The following CYB5R2 variants were observed in gnomAD, a reference collection of about 807,000 sequenced individuals.
CYB5R2 encodes NADH-cytochrome b5 reductase 2.
CYB5R2 carries 35 observed loss-of-function variants against 29.8 expected under a neutral mutation model. The ratio of observed to expected loss-of-function variants is 1.17; its 90% CI spans 0.90 to 1.56. CYB5R2 has a LOEUF of 1.56. Among genes scored for constraint, CYB5R2 ranks in the 40% most tolerant of loss-of-function variants. The probability of loss-of-function intolerance (pLI) is 0.00; values close to 1 mark genes in which losing one functional copy is unlikely to be tolerated. For synonymous variants in CYB5R2, 169 were observed against 130.6 expected, an observed-to-expected ratio of 1.29 and a Z score of -2.01; for missense variants, 419 against 346.7, an observed-to-expected ratio of 1.21 and a Z score of -1.66.
intron 3 of CYB5R2, 23 bp downstream of exon 3, chr11:7,672,428 G>T: frequency 1.2e-6 from 2 of 1,610,822 alleles, no homozygotes; most frequent in Non-Finnish European, 1.7e-6. Context: ...CCCAGTCCTG[G>T]TGATGACCCA....
At chr11:7,668,088 T>C (rs1168862010) in intron 6 of CYB5R2, among the ~76,000 whole-genome samples, 1 of 151,280 alleles carries the variant, frequency 6.6e-6, no homozygotes, top group Non-Finnish European at 1.5e-5. Context: ...GTAAATGTGA[T>C]CGTTTTAAGA....
In CYB5R2 at chr11:7,666,571, A is replaced by T. The variant is rs746625742; in HGVS notation, c.559-21T>A. On this transcript the variant is annotated intron_variant, in intron 7 of 8. Transcript: ENST00000299498. ...TCTGTCTAGAAAAGAAGCAACACTG[A>T]AAAAGCCCCTCCAGGGCCATCCTCT... 8 of 1,575,944 alleles carry T rather than the reference A, an allele frequency of 5.1e-6. No homozygotes were observed. The Admixed American group carries it at 1.3e-4, about 26-fold the overall frequency.
rs905272059 is a variant in CYB5R2 at position 7,669,194 on chromosome 11, C to T, written c.388+11G>A. The T allele has an allele frequency of 3.1e-6, 5 of 1,613,996 alleles. No homozygotes were observed. The highest frequency in any genetic ancestry group is 1.7e-5 in the Admixed American group (1 of 59,992). ...CCCAGCTGGGAGCCCAAGTATTAAC[C>T]CCTCCAGTACCTGGCCCATGGTAAA... On this transcript the variant is annotated intron_variant, in intron 5 of 8. Transcript: ENST00000299498.
intron 7 of CYB5R2, chr11:7,667,392 A>C (rs1363940806): frequency 6.0e-6 from 1 of 165,770 alleles, no homozygotes; most frequent in Non-Finnish European, 1.3e-5. Flanking sequence ...AAAGATTTAA[A>C]AAGTAAGTAA....
intron 1 of CYB5R2, 92 bp from the exon 2 acceptor site, chr11:7,672,983 G>T: frequency 1.6e-6 from 2 of 1,249,076 alleles, no homozygotes; most frequent in Non-Finnish European, 1.1e-6. Context: ...CACACCAAAG[G>T]CACAGGAGCT....
chr11:7,672,929 G>A, intron 1 of CYB5R2, 38 bp from the exon 2 acceptor site: 4 of 1,580,578 alleles, frequency 2.5e-6, no homozygotes, highest in Non-Finnish European at 3.4e-6. Flanking sequence ...CTCAGGTCTT[G>A]CCCGCCCTGG....
rs780625657 is a variant in CYB5R2, at chr11:7,665,372, T to C, written c.*2A>G. On this transcript the variant is annotated 3_prime_UTR_variant, in exon 9 of 9. Coordinates refer to ENST00000299498, the MANE Select transcript of CYB5R2 (RefSeq NM_016229.5). ...TGCAAAATTGCTGAGCACGTGGAGG[T>C]GTTAGTAGGTGAAAATCATGTCCTG... 1 of 1,447,284 alleles carries C rather than the reference T, an allele frequency of 6.9e-7. No homozygotes were observed. The allele number at this position is 1,447,284 out of a possible 1,614,324, so 89.7% of individuals were successfully genotyped here.
intron 5 of CYB5R2, chr11:7,668,918 C>T: frequency 1.7e-6 from 1 of 595,612 alleles, no homozygotes; most frequent in South Asian, 1.9e-5. Flanking sequence ...TCCCTCCATC[C>T]ATTTTTCAGT....
At chr11:7,668,671 G>T in intron 5 of CYB5R2, 110 bp from the exon 6 acceptor site, 1 of 891,174 alleles carries the variant, frequency 1.1e-6, no homozygotes, top group Non-Finnish European at 1.9e-6. Flanking sequence ...CTAAGGGACT[G>T]TCTGCACCAT....
chr11:7,674,047 C>T (rs531479418), upstream of CYB5R2: 2 of 1,183,606 alleles, frequency 1.7e-6, no homozygotes, highest in South Asian at 1.6e-5. Context: ...CCTGCGCTGC[C>T]CCTCTGCATC....
intron 7 of CYB5R2, chr11:7,667,389 TA>T (rs2136112608): frequency 6.1e-6 from 1 of 163,138 alleles, no homozygotes; most frequent in East Asian, 1.7e-4. Context: ...AAAAAAGATT[TA>T]AAAAGTAAGT....
intron 7 of CYB5R2, 155 bp from the exon 8 acceptor site, chr11:7,666,705 G>A: frequency 3.6e-6 from 2 of 555,928 alleles, no homozygotes; most frequent in Non-Finnish European, 6.4e-6. Context: ...TTCTGCTGCT[G>A]CTCCTGAAGC....
Position 7,665,497 on chromosome 11 carries a change from G to A in CYB5R2, c.708C>T (p.His236=), listed in dbSNP as rs781301400. Residue 236 remains histidine (H), a synonymous_variant, in exon 9 of 9, where the codon CAC becomes CAT. Coordinates refer to ENST00000299498, the MANE Select transcript of CYB5R2 (RefSeq NM_016229.5). ...GCGTGGACTTCGCTGGAGGAGGAAG[G>A]TGCTCCTTGATCATGTCGGCAGTAA... ...GFVTADMIKE[H]LPPPAKSTLI... is the part of the protein sequence containing the mutation. 3.1e-6 allele frequency: 5 copies of A among 1,613,718 alleles called. No individual in the cohort carries two copies. The highest frequency in any genetic ancestry group is 2.7e-5 in the African/African-American group (2 of 74,906).
intron 6 of CYB5R2, 34 bp from the exon 7 acceptor site, chr11:7,667,847 C>A (rs1374605270): frequency 1.3e-6 from 2 of 1,578,474 alleles, no homozygotes; most frequent in Non-Finnish European, 1.7e-6. Context: ...CAGCTTTCTC[C>A]CTGTCTCTGA....
At chr11:7,667,933 C>CA in intron 6 of CYB5R2, 120 bp from the exon 7 acceptor site, 1 of 802,412 alleles carries the variant, frequency 1.2e-6, no homozygotes. Context: ...CTTCTGTCCC[C>CA]AAAACTCAAA....
At chr11:7,665,889 G>A (rs1855131250) in intron 8 of CYB5R2, 4 of 1,536,040 alleles carry the variant, frequency 2.6e-6, no homozygotes, top group Non-Finnish European at 3.5e-6. Context: ...TGGTGTTAGT[G>A]GAACTGCGCA....
At position 7,666,570 on chromosome 11, in the gene CYB5R2, G is replaced by A. The variant is rs774900506; in HGVS notation, c.559-20C>T. On this transcript the variant is annotated intron_variant, in intron 7 of 8. Transcript: ENST00000299498. ...CTCTGTCTAGAAAAGAAGCAACACT[G>A]AAAAAGCCCCTCCAGGGCCATCCTC... 1 of 1,582,486 alleles carries A rather than the reference G, an allele frequency of 6.3e-7. No individual in the cohort carries two copies. The highest frequency in any genetic ancestry group is 8.7e-7 in the Non-Finnish European group (1 of 1,151,892).
Position 7,665,490 on chromosome 11 carries a change from G to A in CYB5R2, c.715C>T (p.Pro239Ser), listed in dbSNP as rs1185260650. Residue 239 changes from proline (P) to serine (S), a missense_variant, in exon 9 of 9, where the codon CCT (proline) becomes TCT (serine). Coordinates refer to ENST00000299498, the MANE Select transcript of CYB5R2 (RefSeq NM_016229.5). ...TADMIKEHLP[P>S]PAKSTLILVC... ...AGGATGAGCGTGGACTTCGCTGGAG[G>A]AGGAAGGTGCTCCTTGATCATGTCG... 1.2e-6 allele frequency: 2 copies of A among 1,613,840 alleles called. No homozygotes were observed. Among genetic ancestry groups the A allele is most frequent in the Middle Eastern group, 1.6e-4 (1 of 6,080 alleles).
In CYB5R2 at chr11:7,666,068, G is replaced by A. The variant is rs532117877; in HGVS notation, c.658+383C>T. The A allele has an allele frequency of 8.5e-5, 59 of 695,402 alleles. No homozygotes were observed. The East Asian group carries it at 1.6e-3, about 18-fold the overall frequency. 43.1% of individuals were successfully genotyped at this position (695,402 alleles called of 1,614,324 possible). On this transcript the variant is annotated intron_variant, in intron 8 of 8. Transcript: ENST00000299498. The stretch of plus-strand genomic sequence containing the variant: ...CTGGGGGCTCAGCATGTCCAGGTGA[G>A]GTGGGCGGTAAGGGGTGTGGTGGCC...
Sources: gnomAD v4.1 joint callset for allele counts (sites outside exome capture counted in the v4.1 genomes callset) on GRCh38, gnomAD v4.1.1 for gene constraint, MANE v1.5 for transcripts, NCBI Gene and HGNC (gene_info 2026-07-23, HGNC 2026-07-21) for gene names.